MARCHF1: variants seen among roughly 807,000 people sequenced by gnomAD.
MARCHF1 encodes the protein membrane associated ring-CH-type finger 1.
In MARCHF1, 40 loss-of-function variants were observed where a neutral mutation model predicts 54.2. The observed-to-expected ratio is 0.74, with a 90% CI of 0.57 to 0.96. The LOEUF (loss-of-function observed/expected upper bound fraction) is 0.96, where lower values mean the gene tolerates loss of function less well. Ranked by LOEUF, MARCHF1 falls within the 40% of genes least tolerant of loss-of-function variation. The pLI is 0.00. For missense variants in MARCHF1, 586 were observed against 656.5 expected (o/e 0.89, Z 1.17); for synonymous variants, 236 against 236.3 (o/e 1.00, Z 0.01).
chr4:163,530,757 C>T (rs531826195), intron 9 of MARCHF1: 32 of 151,876 alleles, frequency 2.1e-4, no homozygotes, highest in African/African-American at 5.5e-4. Context: ...GAACCTTTAC[C>T]GGTAGCAAAG....
At chr4:163,888,787 A>T (rs892985647) in intron 3 of MARCHF1, among the ~76,000 whole-genome samples, 2 of 152,140 alleles carry the variant, frequency 1.3e-5, no homozygotes, top group Non-Finnish European at 1.5e-5. Context: ...GTTGGCAGCC[A>T]GAGGTCCTCT....
intron 5 of MARCHF1, among the ~76,000 whole-genome samples, chr4:163,639,673 A>C (rs1742482970): frequency 6.6e-6 from 1 of 152,136 alleles, no homozygotes; most frequent in African/African-American, 2.4e-5. Flanking sequence ...CTGCTTGTCT[A>C]CCAGGTCTTT....
chr4:163,867,815 T>A (rs963376992), intron 3 of MARCHF1, among the ~76,000 whole-genome samples: 3 of 8,284 alleles, frequency 3.6e-4, no homozygotes, highest in African/African-American at 6.4e-4. Flanking sequence ...ATCAATTTCC[T>A]TTTTTTTTTT....
At chr4:163,913,067 T>C (rs925703264) in intron 3 of MARCHF1, among the ~76,000 whole-genome samples, 3 of 152,200 alleles carry the variant, frequency 2.0e-5, no homozygotes, top group African/African-American at 7.2e-5. Context: ...ATAAACAGTA[T>C]CCAAAGAGAT....
Position 163,612,746 on chromosome 4 carries a change from C to A in MARCHF1, c.535G>T (p.Val179Phe), listed in dbSNP as rs1339242365. ...HWIQAKRRAQ[V>F]KFRLSRRRRR... ...CTTCTTCTTGACAGTCTGAATTTAA[C>A]CTGGGCTCTTCTTTTTGCCTGAATC... The change falls in exon 7 of 10, where the codon GTT becomes TTT. Residue 179 changes from valine (V) to phenylalanine (F), a missense_variant. Transcript: ENST00000514618. 3.3e-6 allele frequency: 5 copies of A among 1,535,492 alleles called. No individual in the cohort carries two copies. Among genetic ancestry groups the A allele is most frequent in the Non-Finnish European group, 4.4e-6 (5 of 1,146,524 alleles).
intron 7 of MARCHF1, 144 bp downstream of exon 7, chr4:163,612,127 A>T: frequency 1.4e-6 from 1 of 716,576 alleles, no homozygotes. Context: ...TTTCATACCC[A>T]CCTTTTCTCC....
chr4:164,259,269 G>A (rs540128150), intron 1 of MARCHF1, among the ~76,000 whole-genome samples: 16 of 152,076 alleles, frequency 1.1e-4, no homozygotes, highest in East Asian at 3.9e-4. Flanking sequence ...TGGGCCGGGC[G>A]TGGTGGCTCA....
At chr4:164,112,362 C>T (rs1171405206) in intron 1 of MARCHF1, among the ~76,000 whole-genome samples, 1 of 151,860 alleles carries the variant, frequency 6.6e-6, no homozygotes, top group African/African-American at 2.4e-5. Flanking sequence ...GTTGAAAGGG[C>T]TAAGGATACA....
intron 4 of MARCHF1, among the ~76,000 whole-genome samples, chr4:163,769,722 G>A (rs1747099528): frequency 6.6e-6 from 1 of 152,106 alleles, no homozygotes; most frequent in Non-Finnish European, 1.5e-5. Flanking sequence ...GGAAATATTA[G>A]CAGTAGCCGG....
At chr4:163,633,108 T>A (rs1170481810) in intron 5 of MARCHF1, among the ~76,000 whole-genome samples, 1 of 151,940 alleles carries the variant, frequency 6.6e-6, no homozygotes, top group African/African-American at 2.4e-5. Context: ...ATCACCATCA[T>A]CAAAGACCAA....
At chr4:164,332,094 T>A (rs1441968674) in intron 1 of MARCHF1, among the ~76,000 whole-genome samples, 1 of 152,118 alleles carries the variant, frequency 6.6e-6, no homozygotes, top group Non-Finnish European at 1.5e-5. Flanking sequence ...CTGTTCCTAT[T>A]AAAGTTAAGA....
intron 3 of MARCHF1, among the ~76,000 whole-genome samples, chr4:163,918,938 C>T (rs925588240): frequency 1.1e-4 from 16 of 152,026 alleles, no homozygotes; most frequent in African/African-American, 2.7e-4. Context: ...TTCCTCCTGT[C>T]GCCTGAATAT....
rs1301469608 is a variant in MARCHF1, at chr4:163,640,745, C to CT, written c.163-27353dup. 4.7e-3 allele frequency among the ~76,000 whole-genome samples: 712 copies of CT among 152,090 alleles called. 5 individuals carry two copies. Among genetic ancestry groups the CT allele is most frequent in the African/African-American group, 0.016 (669 of 41,492 alleles). The stretch of plus-strand genomic sequence containing the variant: ...CCTAAGTGACTGCATAAATTGGATT[C>CT]TTATACAGGATTATTGACACTTTAA... On this transcript the variant is annotated intron_variant, in intron 5 of 9. Transcript: ENST00000514618.
chr4:163,861,996 G>A (rs187052568), intron 3 of MARCHF1, among the ~76,000 whole-genome samples: 1 of 151,968 alleles, frequency 6.6e-6, no homozygotes, highest in East Asian at 1.9e-4. Flanking sequence ...AATGGTTCTG[G>A]AACAATTGGA....
chr4:164,312,911 A>T (rs1734900431), intron 1 of MARCHF1, among the ~76,000 whole-genome samples: 1 of 152,162 alleles, frequency 6.6e-6, no homozygotes, highest in South Asian at 2.1e-4. Context: ...CTAAGTTTGC[A>T]TTAGAACAGT....
intron 7 of MARCHF1, among the ~76,000 whole-genome samples, chr4:163,609,619 G>A (rs1296759222): frequency 1.3e-5 from 2 of 149,404 alleles, no homozygotes; most frequent in Non-Finnish European, 3.0e-5. Context: ...GTGTGTGTGT[G>A]TGTGTATATA....
chr4:164,271,035 A>T (rs1294863156), intron 1 of MARCHF1, among the ~76,000 whole-genome samples: 6 of 152,188 alleles, frequency 3.9e-5, no homozygotes, highest in African/African-American at 1.4e-4. Flanking sequence ...GAATAAAATA[A>T]AAATAAAAAC....
chr4:164,126,027 TGAA>T (rs1198966772), intron 1 of MARCHF1, among the ~76,000 whole-genome samples: 2 of 152,218 alleles, frequency 1.3e-5, no homozygotes, highest in African/African-American at 4.8e-5. Context: ...GTTGTAAGTT[TGAA>T]GAAGATCAAG....
intron 2 of MARCHF1, among the ~76,000 whole-genome samples, chr4:164,109,933 A>AG (rs1255634861): frequency 2.1e-4 from 32 of 150,088 alleles, no homozygotes; most frequent in Non-Finnish European, 4.5e-4. Flanking sequence ...AAAAAAAAAA[A>AG]AAAGAAAATG....
Sources: allele counts gnomAD v4.1 joint callset (sites outside exome capture counted in the v4.1 genomes callset), GRCh38; gene constraint gnomAD v4.1.1; transcripts MANE v1.5; gene names NCBI Gene and HGNC (gene_info 2026-07-23, HGNC 2026-07-21).